The following C8orf34 variants were observed in gnomAD, a reference collection of about 807,000 sequenced individuals.
C8orf34 encodes the protein uncharacterized protein C8orf34.
C8orf34 carries 65 observed loss-of-function variants against 68.3 expected under a neutral mutation model. The ratio of observed to expected loss-of-function variants is 0.95; its 90% CI spans 0.78 to 1.17. The LOEUF is 1.17. C8orf34 is among the 50% of genes most tolerant of loss of function. The pLI is 0.00. For missense variants in C8orf34, 664 were observed against 655.4 expected (o/e 1.01, Z -0.14); for synonymous variants, 244 against 241.2 (o/e 1.01, Z -0.11).
chr8:68,508,655 T>A (rs74405609), intron 5 of C8orf34, among the ~76,000 whole-genome samples: 3 of 152,170 alleles, frequency 2.0e-5, no homozygotes, highest in African/African-American at 7.2e-5. Context: ...TGATATAACC[T>A]GGGCTTGTCC....
At chr8:68,404,423 G>A (rs1187215208) in intron 1 of C8orf34, among the ~76,000 whole-genome samples, 1 of 152,068 alleles carries the variant, frequency 6.6e-6, no homozygotes, top group Non-Finnish European at 1.5e-5. Flanking sequence ...CATTGCTTTT[G>A]GTATTTTAGT....
chr8:68,383,498 A>G (rs16934530), intron 1 of C8orf34, among the ~76,000 whole-genome samples: 6,324 of 152,288 alleles, frequency 0.042, 262 homozygotes, highest in African/African-American at 0.11. Flanking sequence ...ATTGAAATAC[A>G]TATTCCCTTC....
At chr8:68,645,116 C>T (rs547522095) in intron 8 of C8orf34, among the ~76,000 whole-genome samples, 42 of 152,272 alleles carry the variant, frequency 2.8e-4, no homozygotes, top group Non-Finnish European at 5.3e-4. Flanking sequence ...AATAGAAAGA[C>T]GATCTGCTTT....
At chr8:68,712,592 A>G (rs1334309122) in intron 9 of C8orf34, among the ~76,000 whole-genome samples, 2 of 152,186 alleles carry the variant, frequency 1.3e-5, no homozygotes, top group Non-Finnish European at 2.9e-5. Context: ...AAAAATAAAC[A>G]AAGTGGAACA....
intron 6 of C8orf34, among the ~76,000 whole-genome samples, chr8:68,527,200 A>T (rs1815036466): frequency 6.6e-6 from 1 of 152,152 alleles, no homozygotes; most frequent in Admixed American, 6.5e-5. Flanking sequence ...CTTTGAACAC[A>T]TAATGATATT....
chr8:68,552,662 A>G (rs577454360), intron 7 of C8orf34, among the ~76,000 whole-genome samples: 1 of 152,152 alleles, frequency 6.6e-6, no homozygotes, highest in Non-Finnish European at 1.5e-5. Context: ...ATTTAGGGGG[A>G]AGCATTGAGT....
At chr8:68,404,214 G>C (rs936927394) in intron 1 of C8orf34, among the ~76,000 whole-genome samples, 4 of 152,030 alleles carry the variant, frequency 2.6e-5, no homozygotes, top group African/African-American at 9.7e-5. Flanking sequence ...CCCACTTTTT[G>C]ATAGGGTCGT....
chr8:68,444,975 A>T (rs948257298), intron 2 of C8orf34, among the ~76,000 whole-genome samples: 3 of 152,248 alleles, frequency 2.0e-5, no homozygotes, highest in Non-Finnish European at 2.9e-5. Flanking sequence ...GTAAAACAAC[A>T]TAAGGAGATG....
At chr8:68,652,776 C>T (rs1308213810) in intron 8 of C8orf34, among the ~76,000 whole-genome samples, 1 of 152,078 alleles carries the variant, frequency 6.6e-6, no homozygotes, top group African/African-American at 2.4e-5. Flanking sequence ...CAGTGCCAAA[C>T]TTGGAATTAG....
chr8:68,577,024 A>T (rs907991957), intron 7 of C8orf34, among the ~76,000 whole-genome samples: 1 of 151,946 alleles, frequency 6.6e-6, no homozygotes, highest in Admixed American at 6.6e-5. Flanking sequence ...ATATATTTAA[A>T]TACCTCTCCA....
intron 10 of C8orf34, among the ~76,000 whole-genome samples, chr8:68,737,018 G>A (rs1000527096): frequency 2.6e-5 from 4 of 152,002 alleles, no homozygotes; most frequent in African/African-American, 4.8e-5. Context: ...TGAGTATGCT[G>A]TAATATTATT....
At chr8:68,471,207 T>C (rs1812364752) in intron 4 of C8orf34, among the ~76,000 whole-genome samples, 1 of 152,072 alleles carries the variant, frequency 6.6e-6, no homozygotes, top group Non-Finnish European at 1.5e-5. Flanking sequence ...CTCTACTGTT[T>C]TAGGGTATTC....
chr8:68,520,100 G>C (rs941817684), intron 5 of C8orf34, among the ~76,000 whole-genome samples: 12 of 152,108 alleles, frequency 7.9e-5, no homozygotes, highest in African/African-American at 2.9e-4. Flanking sequence ...ATCCATTGTA[G>C]TGCTTTAATT....
At chr8:68,547,387 G>A (rs1815919509) in intron 7 of C8orf34, among the ~76,000 whole-genome samples, 1 of 151,690 alleles carries the variant, frequency 6.6e-6, no homozygotes, top group African/African-American at 2.4e-5. Context: ...AAATTTGTAA[G>A]CAAAATGCTT....
chr8:68,811,978 G>A (rs375752030), intron 12 of C8orf34, among the ~76,000 whole-genome samples: 1 of 152,032 alleles, frequency 6.6e-6, no homozygotes, highest in East Asian at 1.9e-4. Context: ...AGGGTGGGAG[G>A]GATGTGTGTA....
At chr8:68,599,613 C>G (rs1817641795) in intron 7 of C8orf34, among the ~76,000 whole-genome samples, 1 of 151,960 alleles carries the variant, frequency 6.6e-6, no homozygotes, top group Admixed American at 6.6e-5. Flanking sequence ...TTGTATTCCT[C>G]CCTCACAGAA....
At chr8:68,523,663 A>G (rs1178582926) in intron 6 of C8orf34, among the ~76,000 whole-genome samples, 1 of 152,172 alleles carries the variant, frequency 6.6e-6, no homozygotes, top group Non-Finnish European at 1.5e-5. Flanking sequence ...ACCATGGGCT[A>G]GAAACTATAT....
chr8:68,650,769 G>A (rs1056444965), intron 8 of C8orf34, among the ~76,000 whole-genome samples: 3 of 151,796 alleles, frequency 2.0e-5, no homozygotes, highest in Non-Finnish European at 4.4e-5. Flanking sequence ...GTGAGCCACC[G>A]CACCCGGCCC....
intron 7 of C8orf34, among the ~76,000 whole-genome samples, chr8:68,561,402 C>CT (rs1057006958): frequency 1.3e-5 from 2 of 152,068 alleles, no homozygotes; most frequent in African/African-American, 2.4e-5. Flanking sequence ...ATTCTATAAG[C>CT]TTTTTTTCTA....
Sources: allele counts gnomAD v4.1 joint callset (sites outside exome capture counted in the v4.1 genomes callset), GRCh38; gene constraint gnomAD v4.1.1; transcripts MANE v1.5; gene names NCBI Gene and HGNC (gene_info 2026-07-23, HGNC 2026-07-21).